Variants in CSTL1 observed in about 807,000 individuals in gnomAD.
CSTL1 encodes cystatin-like 1.
A neutral mutation model predicts 14.4 loss-of-function variants in CSTL1; 14 were observed. The observed-to-expected ratio is 0.97, with a 90% CI of 0.64 to 1.52. The LOEUF (loss-of-function observed/expected upper bound fraction) is 1.52. Among genes scored for constraint, CSTL1 ranks in the 40% most tolerant of loss-of-function variants. The pLI is 0.00. For synonymous variants in CSTL1, 72 were observed against 67.5 expected (o/e 1.07, Z -0.33); for missense variants, 170 against 168.7 (o/e 1.01, Z -0.04).
At chr20:23,459,684 C>A in the CSTL1 span, among the ~76,000 whole-genome samples, 3,868 of 152,252 alleles carry the variant, frequency 0.025, 180 homozygotes, top group African/African-American at 0.089. Context: ...ACTGGCATGG[C>A]GCAGGATTTA....
chr20:23,453,250 G>C, the CSTL1 span, among the ~76,000 whole-genome samples: 1 of 151,926 alleles, frequency 6.6e-6, no homozygotes, highest in East Asian at 1.9e-4. Flanking sequence ...CGCCTGCACC[G>C]GAAGCCACTC....
intron 2 of CSTL1, among the ~76,000 whole-genome samples, chr20:23,443,308 A>T (rs2123314083): frequency 6.6e-6 from 1 of 152,348 alleles, no homozygotes; most frequent in East Asian, 1.9e-4. Context: ...TTTAAAATTT[A>T]TTTTATGCAT....
the CSTL1 span, chr20:23,459,037 C>G: frequency 6.6e-6 from 1 of 152,280 alleles, no homozygotes; most frequent in African/African-American, 2.4e-5. Flanking sequence ...CTGCTGAGCA[C>G]TCTTGTCCTT....
chr20:23,456,075 G>A, the CSTL1 span, among the ~76,000 whole-genome samples: 3 of 152,172 alleles, frequency 2.0e-5, no homozygotes, highest in Non-Finnish European at 2.9e-5. Context: ...GCTGATGGAA[G>A]CTGTGGCCCA....
At chr20:23,443,221 C>T (rs550153609) in intron 2 of CSTL1, among the ~76,000 whole-genome samples, 9 of 152,334 alleles carry the variant, frequency 5.9e-5, no homozygotes, top group African/African-American at 1.9e-4. Context: ...CTGTCACTCT[C>T]CTAACACTGA....
chr20:23,457,503 C>T, the CSTL1 span: 2 of 152,102 alleles, frequency 1.3e-5, no homozygotes, highest in African/African-American at 4.8e-5. Context: ...AGGTTACAGG[C>T]CGCTGAATCC....
chr20:23,455,924 C>T, the CSTL1 span, among the ~76,000 whole-genome samples: 5 of 152,136 alleles, frequency 3.3e-5, no homozygotes, highest in African/African-American at 1.2e-4. Context: ...GTCTTTTTTC[C>T]CCTCTGCTTT....
At chr20:23,452,978 A>G in the CSTL1 span, 1 of 608,232 alleles carries the variant, frequency 1.6e-6, no homozygotes, top group Non-Finnish European at 2.9e-6. Flanking sequence ...ACTCGAGGGG[A>G]GAGCAGCAAG....
In CSTL1 at chr20:23,441,879, A is replaced by G. The variant is rs543719961; in HGVS notation, c.219+1393A>G. On this transcript the variant is annotated intron_variant, in intron 2 of 3. Transcript: ENST00000347397. ...TGGGAAAGCTCTCTCGCCAGAGAGT[A>G]AGGCAGCTGGAACAGAGAGAACCGG... Among the ~76,000 whole-genome samples, 7 of 152,322 alleles carry G rather than the reference A, an allele frequency of 4.6e-5. No homozygotes were observed. In the East Asian group the frequency reaches 9.7e-4, roughly 21 times the overall value.
the CSTL1 span, chr20:23,450,473 A>T: frequency 1.4e-6 from 2 of 1,430,912 alleles, no homozygotes; most frequent in South Asian, 1.3e-5. Flanking sequence ...ATTCTCTCAC[A>T]TGCAGTGGCC....
At chr20:23,451,749 T>A in the CSTL1 span, 1 of 1,186,202 alleles carries the variant, frequency 8.4e-7, no homozygotes, top group Non-Finnish European at 1.2e-6. Flanking sequence ...CCCAACTCAT[T>A]CTAAAGCCAC....
chr20:23,440,322 T>G lies in CSTL1; in HGVS notation c.55T>G (p.Ser19Ala). 1 of 1,614,178 alleles carries G rather than the reference T, an allele frequency of 6.2e-7. No individual in the cohort carries two copies. Among genetic ancestry groups the G allele is most frequent in the Non-Finnish European group, 8.5e-7 (1 of 1,180,036 alleles). Residue 19 changes from serine to alanine, a missense_variant, in exon 2 of 4, where the codon TCA (serine) becomes GCA (alanine). Ser to Ala is a moderately conservative substitution (Grantham distance 99). Transcript: ENST00000347397. Reference protein sequence around the residue: ...PLLLLIALVLSAKLGHFQRWE... With the variant: ...PLLLLIALVLAAKLGHFQRWE... ...GCTGCTGCTGATTGCCCTGGTCCTG[T>G]CAGCCAAGCTGGGTCACTTCCAAAG...
rs778264319 is a variant in CSTL1, at chr20:23,444,017, C to T, written c.303C>T (p.Cys101=). 3 of 1,613,806 alleles carry T rather than the reference C, an allele frequency of 1.9e-6. No homozygotes were observed. The highest frequency in any genetic ancestry group is 1.7e-6 in the Non-Finnish European group (2 of 1,179,688). Residue 101 remains cysteine, a synonymous_variant, in exon 3 of 4, where the codon TGC becomes TGT. Coordinates refer to ENST00000347397, the MANE Select transcript of CSTL1 (RefSeq NM_138283.1). ...CKRNDTSNSS[C]PLQSKKLRKS... Reference sequence around the variant, plus strand: ...GGAATGACACGAGCAATTCTTCCTGCCCCCTGCAAAGCAAGAAGCTGAGAA... The same window carrying T: ...GGAATGACACGAGCAATTCTTCCTGTCCCCTGCAAAGCAAGAAGCTGAGAA...
the CSTL1 span, among the ~76,000 whole-genome samples, chr20:23,455,095 A>G: frequency 6.6e-6 from 1 of 152,184 alleles, no homozygotes; most frequent in East Asian, 1.9e-4. Flanking sequence ...TAATCTGGAG[A>G]ACAGAAGCCA....
chr20:23,445,552 C>A (rs746462500), downstream of CSTL1, among the ~76,000 whole-genome samples: 1 of 152,320 alleles, frequency 6.6e-6, no homozygotes, highest in East Asian at 1.9e-4. Flanking sequence ...AGCTACCGCA[C>A]CCACCCAGCT....
chr20:23,454,888 A>G, the CSTL1 span, among the ~76,000 whole-genome samples: 1 of 152,216 alleles, frequency 6.6e-6, no homozygotes, highest in Non-Finnish European at 1.5e-5. Flanking sequence ...TGCCTGCAAT[A>G]AAGACTGCAT....
chr20:23,454,059 A>G, the CSTL1 span, among the ~76,000 whole-genome samples: 26,209 of 151,794 alleles, frequency 0.17, 4,087 homozygotes, highest in African/African-American at 0.41. Context: ...CAACACACAC[A>G]CATACCGCCA....
the CSTL1 span, chr20:23,450,699 C>T: frequency 1.6e-6 from 1 of 622,800 alleles, no homozygotes; most frequent in Non-Finnish European, 2.7e-6. Context: ...ACCTCTCCAC[C>T]CCTACAATCC....
chr20:23,459,781 T>C, the CSTL1 span, among the ~76,000 whole-genome samples: 1 of 152,252 alleles, frequency 6.6e-6, no homozygotes, highest in African/African-American at 2.4e-5. Flanking sequence ...AACACATGGA[T>C]GATTGAATGA....
Sources: allele counts gnomAD v4.1 joint callset (sites outside exome capture counted in the v4.1 genomes callset), GRCh38; gene constraint gnomAD v4.1.1; transcripts MANE v1.5; gene names NCBI Gene and HGNC (gene_info 2026-07-23, HGNC 2026-07-21).